PCDHGA8: variants seen among roughly 807,000 people sequenced by gnomAD.
PCDHGA8 encodes the protein protocadherin gamma subfamily A, 8.
Under a neutral mutation model 59.2 loss-of-function variants are expected in PCDHGA8, and 45 were observed. The observed-to-expected ratio is 0.76, with a 90% CI of 0.60 to 0.98. PCDHGA8 has a LOEUF of 0.98. Among genes scored for constraint, PCDHGA8 ranks in the 50% least tolerant of loss-of-function variants. The pLI, the probability that PCDHGA8 is intolerant of heterozygous loss-of-function variation, is 0.00. For missense variants in PCDHGA8, 1,257 were observed against 1,196.2 expected (o/e 1.05, Z -0.75); for synonymous variants, 531 against 519.0 (o/e 1.02, Z -0.32).
At chr5:141,501,809 A>G (rs2099811165) in intron 2 of PCDHGA8, among the ~76,000 whole-genome samples, 1 of 152,176 alleles carries the variant, frequency 6.6e-6, no homozygotes, top group African/African-American at 2.4e-5. Flanking sequence ...ACCCAGCTTC[A>G]CATAATTGGC....
chr5:141,492,164 C>T (rs1180358388), intron 1 of PCDHGA8, among the ~76,000 whole-genome samples: 2 of 152,230 alleles, frequency 1.3e-5, no homozygotes, highest in East Asian at 1.9e-4. Context: ...CTCCCTATCC[C>T]CGCATCACCC....
chr5:141,418,244 C>G (rs746986702), intron 1 of PCDHGA8: 1 of 1,613,980 alleles, frequency 6.2e-7, no homozygotes. Flanking sequence ...TGTTAATGAC[C>G]ACGCCCCTCA....
intron 1 of PCDHGA8, chr5:141,441,726 C>A: frequency 2.8e-6 from 1 of 353,524 alleles, no homozygotes; most frequent in Non-Finnish European, 5.6e-6. Flanking sequence ...GGCCCGCGAC[C>A]AGGACTAGCT....
chr5:141,478,164 C>T, intron 1 of PCDHGA8: 1 of 1,614,010 alleles, frequency 6.2e-7, no homozygotes, highest in Non-Finnish European at 8.5e-7. Context: ...GGCTCTGCCC[C>T]CCGGGAGCAG....
rs752954707 is a variant in PCDHGA8 at position 141,476,801 on chromosome 5, C to T, written c.2425-18006C>T. The T allele has an allele frequency of 6.2e-7, 1 of 1,613,586 alleles. No individual in the cohort carries two copies. Among genetic ancestry groups the T allele is most frequent in the Non-Finnish European group, 8.5e-7 (1 of 1,180,020 alleles). On this transcript the variant is annotated intron_variant, in intron 1 of 3. Coordinates refer to ENST00000398604, the MANE Select transcript of PCDHGA8 (RefSeq NM_032088.2). This position sits in a 1 kb window ranked among gnomAD's most constrained non-coding sequence, Gnocchi z 7.6. Reference sequence around the variant, plus strand: ...GACCCCAGCTCTCTCCGCCAGCCTGCCTATTCACATCAAGGTGCTGGACGC... The same window carrying T: ...GACCCCAGCTCTCTCCGCCAGCCTGTCTATTCACATCAAGGTGCTGGACGC...
rs767719494 is a variant in PCDHGA8 at position 141,491,200 on chromosome 5, C to T, written c.2425-3607C>T. On this transcript the variant is annotated intron_variant, in intron 1 of 3. Coordinates refer to ENST00000398604, the MANE Select transcript of PCDHGA8 (RefSeq NM_032088.2). This position sits in a 1 kb window ranked among gnomAD's most constrained non-coding sequence, Gnocchi z 6.9. The stretch of plus-strand genomic sequence containing the variant: ...GGTCCTGGTGAGGGACAATGGTGAC[C>T]CTTCACTCTCCTCCACAGCCACAGT... 4 of 1,614,158 alleles carry T rather than the reference C, an allele frequency of 2.5e-6. No individual in the cohort carries two copies. The highest frequency in any genetic ancestry group is 3.4e-6 in the Non-Finnish European group (4 of 1,180,000).
intron 1 of PCDHGA8, chr5:141,418,730 G>A (rs371887408): frequency 6.2e-6 from 10 of 1,613,832 alleles, no homozygotes; most frequent in African/African-American, 1.3e-5. Context: ...AGCTCAGCAC[G>A]TGTTCTCTCT....
rs1323089912 is a variant in PCDHGA8 at position 141,394,323 on chromosome 5, T to A, written c.1510T>A (p.Tyr504Asn). Residue 504 changes from tyrosine (Y) to asparagine (N), a missense_variant, in exon 1 of 4, where the codon TAT (tyrosine) becomes AAT (asparagine). Physicochemically the swap from Tyr to Asn is moderately radical, Grantham distance 143 (BLOSUM62 -2). Transcript: ENST00000398604. ...DTLQGAPLSSYISINSDTGVL... is the reference protein window; with the variant it reads ...DTLQGAPLSSNISINSDTGVL... ...GCTGCAGGGGGCGCCCCTGTCCTCGTATATCTCCATCAACTCTGACACCGG... is the reference window on the plus strand; with the variant it reads ...GCTGCAGGGGGCGCCCCTGTCCTCGAATATCTCCATCAACTCTGACACCGG... 6.2e-7 allele frequency: 1 copy of A among 1,613,982 alleles called. No homozygotes were observed. The highest frequency in any genetic ancestry group is 1.1e-5 in the South Asian group (1 of 91,074).
intron 1 of PCDHGA8, chr5:141,427,448 TC>T (rs1355717683): frequency 6.2e-6 from 3 of 484,982 alleles, no homozygotes; most frequent in Non-Finnish European, 1.2e-5. Flanking sequence ...ACGAAAGAGT[TC>T]CTTTTAGAAT....
intron 1 of PCDHGA8, chr5:141,397,972 G>T: frequency 2.6e-6 from 3 of 1,155,564 alleles, no homozygotes; most frequent in Non-Finnish European, 3.6e-6. Flanking sequence ...ACTCCCCAGC[G>T]CCGGCCTTTA....
chr5:141,413,248 GGGATTCCATGGGA>G (rs1349440144), intron 1 of PCDHGA8: 4 of 1,613,844 alleles, frequency 2.5e-6, no homozygotes, highest in Non-Finnish European at 2.5e-6. Context: ...CCTTTTCTTC[GGGATTCCATGGGA>G]GGCTGGAGCC....
At chr5:141,501,287 T>C (rs1025193070) in intron 2 of PCDHGA8, among the ~76,000 whole-genome samples, 1 of 96,980 alleles carries the variant, frequency 1.0e-5, no homozygotes, top group African/African-American at 4.2e-5. Context: ...GGATATTCCC[T>C]TATACACACA....
chr5:141,505,041 C>T (rs1028101225), intron 2 of PCDHGA8, among the ~76,000 whole-genome samples: 4 of 152,142 alleles, frequency 2.6e-5, no homozygotes, highest in African/African-American at 9.7e-5. Flanking sequence ...AGGTGCCTGT[C>T]ATCCCAGCTA....
At chr5:141,404,560 C>T (rs2094540099) in intron 1 of PCDHGA8, 37 of 1,613,460 alleles carry the variant, frequency 2.3e-5, no homozygotes, top group Non-Finnish European at 3.1e-5. Flanking sequence ...CGGCAAGTGA[C>T]AGTGGAAGCC....
At position 141,474,199 on chromosome 5, in the gene PCDHGA8, G is replaced by C. The variant is rs74540928; in HGVS notation, c.2425-20608G>C. Reference sequence around the variant, plus strand: ...AAAACTACTTACATTTTTAAAAGCTGATTTTCAAAAACCAGATTGTGAATT... The same window carrying C: ...AAAACTACTTACATTTTTAAAAGCTCATTTTCAAAAACCAGATTGTGAATT... On this transcript the variant is annotated intron_variant, in intron 1 of 3. Transcript: ENST00000398604. Among the ~76,000 whole-genome samples, 85 of 152,308 alleles carry C rather than the reference G, an allele frequency of 5.6e-4. 1 individual carries two copies. In the East Asian group the frequency reaches 0.016, roughly 29 times the overall value.
chr5:141,459,315 T>A (rs2154566534), intron 1 of PCDHGA8, among the ~76,000 whole-genome samples: 1 of 152,362 alleles, frequency 6.6e-6, no homozygotes, highest in Non-Finnish European at 1.5e-5. Flanking sequence ...CTATTTTGTA[T>A]CCATCTTCTT....
Position 141,475,033 on chromosome 5 carries a change from A to G in PCDHGA8, c.2425-19774A>G, listed in dbSNP as rs1223709259. 2.0e-5 allele frequency among the ~76,000 whole-genome samples: 3 copies of G among 152,362 alleles called. No individual in the cohort carries two copies. In the East Asian group the frequency reaches 5.8e-4, roughly 29 times the overall value. ...TTAAGGCTCTTTATTCTGTGACTAA[A>G]GGCTTTGTATTTTCTAAAGATTTGT... is the stretch of plus-strand genomic sequence containing the variant. On this transcript the variant is annotated intron_variant, in intron 1 of 3. Transcript: ENST00000398604.
At chr5:141,405,257 A>T (rs747554046) in intron 1 of PCDHGA8, 2 of 1,613,954 alleles carry the variant, frequency 1.2e-6, no homozygotes, top group Non-Finnish European at 1.7e-6. Flanking sequence ...GAGTCACCTG[A>T]TCTTCCCCCA....
In PCDHGA8 at chr5:141,476,240, G is replaced by A. The variant is rs762604058; in HGVS notation, c.2425-18567G>A. On this transcript the variant is annotated intron_variant, in intron 1 of 3. Coordinates refer to ENST00000398604, the MANE Select transcript of PCDHGA8 (RefSeq NM_032088.2). This position sits in a 1 kb window ranked among gnomAD's most constrained non-coding sequence, Gnocchi z 7.6. ...TCACTATGAGATCCCGGAGGAAAGAGAGAAGGGTTTCGCTGTGGGCAACGT... is the reference window on the plus strand; with the variant it reads ...TCACTATGAGATCCCGGAGGAAAGAAAGAAGGGTTTCGCTGTGGGCAACGT... The A allele has an allele frequency of 4.3e-6, 7 of 1,613,986 alleles. No individual in the cohort carries two copies. The highest frequency in any genetic ancestry group is 1.7e-6 in the Non-Finnish European group (2 of 1,180,030).
Sources: allele counts gnomAD v4.1 joint callset (sites outside exome capture counted in the v4.1 genomes callset), GRCh38; gene constraint gnomAD v4.1.1; non-coding constraint Gnocchi (gnomAD v3.1); transcripts MANE v1.5; gene names NCBI Gene and HGNC (gene_info 2026-07-23, HGNC 2026-07-21).